Variants in AEBP2 observed in about 807,000 individuals in gnomAD.
AEBP2 encodes zinc finger protein AEBP2.
In AEBP2, 10 loss-of-function variants were observed where a neutral mutation model predicts 50.8. The observed-to-expected ratio is 0.20, with a 90% confidence interval of 0.12 to 0.33. The LOEUF is 0.33. AEBP2 is among the 10% of genes least tolerant of loss of function. AEBP2 has a pLI of 1.00. For synonymous variants in AEBP2, 296 were observed against 261.3 expected (o/e 1.13, Z -1.28); for missense variants, 570 against 688.0 (o/e 0.83, Z 1.92).
intron 1 of AEBP2, chr12:19,413,559 T>A (rs2095740576): frequency 3.0e-6 from 2 of 665,382 alleles, no homozygotes; most frequent in East Asian, 2.6e-5. Flanking sequence ...ATATGCCTTT[T>A]AAAAAATAAA....
rs1592737109 is a variant in AEBP2, at chr12:19,462,634, G to A, written c.796G>A (p.Asp266Asn). ...SKNIAYNCCWDQCQACFNSSP... is the reference protein window; with the variant it reads ...SKNIAYNCCWNQCQACFNSSP... ...AAATATTGCCTATAATTGTTGTTGG[G>A]ACCAGTGCCAGGCTTGCTTCAACTC... Residue 266 changes from aspartate to asparagine, a missense_variant, in exon 2 of 8, where the codon GAC (aspartate) becomes AAC (asparagine). Physicochemically the swap from Asp to Asn is conservative, Grantham distance 23. This residue lies in a region of AEBP2 where 184 missense variants were observed against 351.2 expected (regional missense o/e 0.52). Transcript: ENST00000266508. The A allele has an allele frequency of 3.1e-6, 5 of 1,613,942 alleles. No individual in the cohort carries two copies. In the East Asian group the frequency reaches 1.1e-4, roughly 36 times the overall value.
At chr12:19,406,230 G>T (rs929912739) in intron 1 of AEBP2, among the ~76,000 whole-genome samples, 4 of 152,016 alleles carry the variant, frequency 2.6e-5, no homozygotes, top group Admixed American at 2.0e-4. Flanking sequence ...CTCCCAAAGT[G>T]CTGGGATTAT....
chr12:19,518,640 A>G lies in AEBP2; in HGVS notation c.*523A>G. Reference sequence around the variant, plus strand: ...AATTTACCTTTCAATTATGATAAATAGATGTGATTGGTTGCCATTTGTGTT... The same window carrying G: ...AATTTACCTTTCAATTATGATAAATGGATGTGATTGGTTGCCATTTGTGTT... On this transcript the variant is annotated 3_prime_UTR_variant, in exon 8 of 8. Coordinates refer to ENST00000266508, the MANE Select transcript of AEBP2 (RefSeq NM_153207.5). The G allele has an allele frequency of 6.2e-6, 9 of 1,450,794 alleles. No homozygotes were observed. The highest frequency in any genetic ancestry group is 8.3e-6 in the Non-Finnish European group (9 of 1,078,760). 89.9% of individuals were successfully genotyped at this position (1,450,794 alleles called of 1,614,324 possible).
At chr12:19,495,738 C>G (rs1948968736) in intron 4 of AEBP2, among the ~76,000 whole-genome samples, 1 of 151,720 alleles carries the variant, frequency 6.6e-6, no homozygotes, top group Non-Finnish European at 1.5e-5. Context: ...TGGTGGGGGT[C>G]TCTCTGTGTT....
chr12:19,423,929 A>C (rs2095747179), intron 1 of AEBP2, among the ~76,000 whole-genome samples: 1 of 152,234 alleles, frequency 6.6e-6, no homozygotes, highest in African/African-American at 2.4e-5. Context: ...GAAACACATA[A>C]AATTTTATAT....
At chr12:19,513,911 A>ATTTT (rs1949275507) in intron 6 of AEBP2, among the ~76,000 whole-genome samples, 1 of 128,686 alleles carries the variant, frequency 7.8e-6, no homozygotes, top group Non-Finnish European at 1.6e-5. Flanking sequence ...TTTTTTTTTA[A>ATTTT]TGGAGTTTAG....
chr12:19,492,586 CAA>C (rs1004997277), intron 3 of AEBP2, among the ~76,000 whole-genome samples: 3 of 149,276 alleles, frequency 2.0e-5, no homozygotes, highest in African/African-American at 5.1e-5. Flanking sequence ...AATAAAAAAA[CAA>C]AATAAAATAA....
chr12:19,513,930 G>A (rs530807677), intron 6 of AEBP2, among the ~76,000 whole-genome samples: 1 of 147,620 alleles, frequency 6.8e-6, no homozygotes, highest in East Asian at 2.0e-4. Context: ...AGTCTTACAG[G>A]GTTTTTATTT....
At chr12:19,440,601 C>A in intron 1 of AEBP2, 1 of 1,473,710 alleles carries the variant, frequency 6.8e-7, no homozygotes, top group Admixed American at 2.2e-5. Flanking sequence ...TCCCCGCCCT[C>A]TTTCCCCTCG....
At chr12:19,471,034 T>C (rs1424813054) in intron 2 of AEBP2, among the ~76,000 whole-genome samples, 1 of 147,794 alleles carries the variant, frequency 6.8e-6, no homozygotes, top group Non-Finnish European at 1.5e-5. Flanking sequence ...ATAATATGAT[T>C]TCTGAGAGAA....
chr12:19,406,340 G>A (rs965673575), intron 1 of AEBP2, among the ~76,000 whole-genome samples: 1 of 152,060 alleles, frequency 6.6e-6, no homozygotes, highest in Non-Finnish European at 1.5e-5. Context: ...CATTCTGTGG[G>A]TTTACAAAAA....
At chr12:19,487,702 C>T (rs1948831282) in intron 3 of AEBP2, among the ~76,000 whole-genome samples, 1 of 150,684 alleles carries the variant, frequency 6.6e-6, no homozygotes, top group Non-Finnish European at 1.5e-5. Context: ...GGTGAGAGAG[C>T]GAGACCCCAC....
In AEBP2 at chr12:19,495,440, C is replaced by T. The variant is rs140919539; in HGVS notation, c.1174+1454C>T. On this transcript the variant is annotated intron_variant, in intron 4 of 7. Transcript: ENST00000266508. ...TCTTTTTGTTACTACAGATTTATAG[C>T]GGACAAATGAACAAACCAGAAAACT... is the stretch of plus-strand genomic sequence containing the variant. Among the ~76,000 whole-genome samples, 846 of 152,066 alleles carry T rather than the reference C, an allele frequency of 5.6e-3. 1 individual carries two copies. Among genetic ancestry groups the T allele is most frequent in the African/African-American group, 0.011 (456 of 41,502 alleles).
chr12:19,498,562 A>T (rs945376758), intron 4 of AEBP2, among the ~76,000 whole-genome samples: 1 of 152,212 alleles, frequency 6.6e-6, no homozygotes, highest in Admixed American at 6.5e-5. Context: ...ATCAGCATAT[A>T]TGTAATTCAG....
intron 4 of AEBP2, 134 bp downstream of exon 4, chr12:19,494,120 G>C: frequency 1.1e-6 from 1 of 936,654 alleles, no homozygotes; most frequent in South Asian, 1.8e-5. Flanking sequence ...CTGTCTGTCA[G>C]TGAGAGTGAG....
intron 1 of AEBP2, among the ~76,000 whole-genome samples, chr12:19,429,686 G>A (rs1411446401): frequency 6.6e-6 from 1 of 152,150 alleles, no homozygotes; most frequent in Non-Finnish European, 1.5e-5. Flanking sequence ...AGTGTGAGAT[G>A]GTATCTCATT....
chr12:19,467,962 C>T (rs796710497), intron 2 of AEBP2, among the ~76,000 whole-genome samples: 8 of 151,966 alleles, frequency 5.3e-5, no homozygotes, highest in African/African-American at 1.9e-4. Context: ...GTCCAGTTAA[C>T]TATAGCACTC....
chr12:19,442,329 A>C (rs980960609), intron 1 of AEBP2, among the ~76,000 whole-genome samples: 1 of 151,818 alleles, frequency 6.6e-6, no homozygotes, highest in Non-Finnish European at 1.5e-5. Context: ...AATCGCTTGA[A>C]CCCGGGAGGC....
rs1399571427 is a variant in AEBP2, at chr12:19,457,548, A to G, written c.672-4962A>G. 3.9e-5 allele frequency: 57 copies of G among 1,479,656 alleles called. No individual in the cohort carries two copies. The Admixed American group carries it at 5.8e-4, about 15-fold the overall frequency. The allele number at this position is 1,479,656 out of a possible 1,614,324, so 91.7% of individuals were successfully genotyped here. On this transcript the variant is annotated intron_variant, in intron 1 of 7. Coordinates refer to ENST00000266508, the MANE Select transcript of AEBP2 (RefSeq NM_153207.5). ...AATTTTTTCAATGGTTCTTTTGTTG[A>G]TGCTACCACATTTGTAGTTCAGATG...
Sources: gnomAD v4.1 joint callset for allele counts (sites outside exome capture counted in the v4.1 genomes callset) on GRCh38, gnomAD v4.1.1 for gene constraint, gnomAD v4.1.1 regional missense constraint, MANE v1.5 for transcripts, NCBI Gene and HGNC (gene_info 2026-07-23, HGNC 2026-07-21) for gene names.